GNB1: variants seen among roughly 807,000 people sequenced by gnomAD.
The protein encoded by GNB1 is guanine nucleotide-binding protein G(I)/G(S)/G(T) subunit beta-1.
Under a neutral mutation model 42.9 loss-of-function variants are expected in GNB1, and 2 were observed. The observed-to-expected ratio is 0.05, with a 90% CI of 0.02 to 0.15. GNB1 has a LOEUF of 0.15. Among genes scored for constraint, GNB1 ranks in the 10% least tolerant of loss-of-function variants. The pLI, the probability that GNB1 is intolerant of heterozygous loss-of-function variation, is 1.00. For synonymous variants in GNB1, 183 were observed against 174.7 expected (o/e 1.05, Z -0.38); for missense variants, 193 against 462.2 (o/e 0.42, Z 5.34).
At chr1:1,876,514 A>AGAGAGAGC (rs1491127351) in intron 1 of GNB1, among the ~76,000 whole-genome samples, 2 of 149,864 alleles carry the variant, frequency 1.3e-5, no homozygotes, top group South Asian at 2.1e-4. Context: ...AGAGAGAGAG[A>AGAGAGAGC]GCGAGCGTGC....
chr1:1,889,792 C>T (rs947999583), intron 1 of GNB1, among the ~76,000 whole-genome samples: 4 of 152,082 alleles, frequency 2.6e-5, no homozygotes, highest in African/African-American at 9.7e-5. Context: ...ACTATCGATT[C>T]ACAAGAAAAA....
intron 7 of GNB1, among the ~76,000 whole-genome samples, chr1:1,800,954 C>A (rs1299580040): frequency 6.6e-6 from 1 of 152,198 alleles, no homozygotes; most frequent in Non-Finnish European, 1.5e-5. Flanking sequence ...AAAGGACGCC[C>A]GCAGAAGGCG....
At chr1:1,825,375 C>G (rs1646982770) in intron 3 of GNB1, 22 bp downstream of exon 3, 3 of 1,573,202 alleles carry the variant, frequency 1.9e-6, no homozygotes, top group Non-Finnish European at 2.6e-6. Context: ...ATTAATAAAA[C>G]CAAGCACACA....
chr1:1,811,831 C>T (rs910082866), intron 5 of GNB1, among the ~76,000 whole-genome samples: 3 of 151,830 alleles, frequency 2.0e-5, no homozygotes, highest in Admixed American at 6.6e-5. Flanking sequence ...TTTGGGAGGC[C>T]GAGGTGGGCA....
intron 7 of GNB1, among the ~76,000 whole-genome samples, chr1:1,803,363 C>A (rs1646651522): frequency 6.6e-6 from 1 of 152,240 alleles, no homozygotes; most frequent in Non-Finnish European, 1.5e-5. Context: ...GTGGTGCAAT[C>A]ATAGCTCCCT....
rs35226472 is a variant in GNB1, at chr1:1,876,492, C to CGAGAGAGAGAGAGAGAGA, written c.-96+14310_-96+14327dup. ...AAGAGAGAGGACATGCATGTGCACA[C>CGAGAGAGAGAGAGAGAGA]GAGAGAGAGAGAGAGAGAGAGAGCG... On this transcript the variant is annotated intron_variant, in intron 1 of 11. Coordinates refer to ENST00000378609, the MANE Select transcript of GNB1 (RefSeq NM_002074.5). Among the ~76,000 whole-genome samples the CGAGAGAGAGAGAGAGAGA allele has an allele frequency of 1.0e-2, 1,476 of 147,844 alleles. 24 individuals carry two copies. The highest frequency in any genetic ancestry group is 0.035 in the African/African-American group (1,377 of 39,898).
chr1:1,806,411 T>C, intron 6 of GNB1, 64 bp downstream of exon 6: 1 of 968,476 alleles, frequency 1.0e-6, no homozygotes, highest in South Asian at 1.4e-5. Context: ...ACAAAATGAA[T>C]CCAGAGCTTA....
intron 1 of GNB1, among the ~76,000 whole-genome samples, chr1:1,864,007 C>A (rs1648776068): frequency 6.6e-6 from 1 of 152,026 alleles, no homozygotes; most frequent in Non-Finnish European, 1.5e-5. Context: ...TGGACCCTGT[C>A]TCTACAAAAC....
chr1:1,836,582 G>A (rs965611994), intron 2 of GNB1, among the ~76,000 whole-genome samples: 5 of 151,582 alleles, frequency 3.3e-5, no homozygotes, highest in African/African-American at 4.8e-5. Context: ...AGACAGTCTC[G>A]CTTTATCACC....
intron 7 of GNB1, among the ~76,000 whole-genome samples, chr1:1,799,625 T>C (rs1646597680): frequency 6.6e-6 from 1 of 152,160 alleles, no homozygotes; most frequent in Non-Finnish European, 1.5e-5. Context: ...CAGAAACAAC[T>C]ATAAGCACTG....
At chr1:1,862,126 G>A (rs1479826705) in intron 1 of GNB1, among the ~76,000 whole-genome samples, 1 of 152,172 alleles carries the variant, frequency 6.6e-6, no homozygotes, top group African/African-American at 2.4e-5. Context: ...GGAGGCTAAG[G>A]CAGGACAATC....
At chr1:1,833,382 G>A (rs1308673308) in intron 2 of GNB1, among the ~76,000 whole-genome samples, 1 of 152,032 alleles carries the variant, frequency 6.6e-6, no homozygotes, top group East Asian at 1.9e-4. Context: ...AATTCAAAGG[G>A]CAACGGAAAA....
intron 1 of GNB1, among the ~76,000 whole-genome samples, chr1:1,851,597 C>G (rs1314850695): frequency 2.0e-5 from 3 of 151,616 alleles, no homozygotes; most frequent in Non-Finnish European, 4.4e-5. Context: ...AAAATATTGG[C>G]CAAAGAGGAA....
At chr1:1,797,213 T>C (rs1030925148) in intron 7 of GNB1, among the ~76,000 whole-genome samples, 2 of 152,118 alleles carry the variant, frequency 1.3e-5, no homozygotes, top group Non-Finnish European at 1.5e-5. Flanking sequence ...ATGTTTATAA[T>C]AAATTGTGGG....
At chr1:1,881,873 G>A (rs1649868154) in intron 1 of GNB1, among the ~76,000 whole-genome samples, 1 of 152,138 alleles carries the variant, frequency 6.6e-6, no homozygotes, top group Admixed American at 6.6e-5. Flanking sequence ...CAGTGAAGGA[G>A]ACCAGTTGGT....
intron 2 of GNB1, among the ~76,000 whole-genome samples, chr1:1,835,897 C>T (rs891537182): frequency 6.9e-6 from 1 of 145,450 alleles, no homozygotes; most frequent in Non-Finnish European, 1.5e-5. Context: ...CATACTGAGA[C>T]CCCGTCTTAC....
At chr1:1,819,307 C>A (rs1419927059) in intron 3 of GNB1, among the ~76,000 whole-genome samples, 1 of 151,768 alleles carries the variant, frequency 6.6e-6, no homozygotes, top group Non-Finnish European at 1.5e-5. Flanking sequence ...CCGCAGCCTC[C>A]GCCTCCCAGG....
In GNB1 at chr1:1,845,567, C is replaced by T. The variant is rs543349201; in HGVS notation, c.-95-6329G>A. On this transcript the variant is annotated intron_variant, in intron 1 of 11. Coordinates refer to ENST00000378609, the MANE Select transcript of GNB1 (RefSeq NM_002074.5). ...CAGCCTGGGTGACAGTGCGAGACTC[C>T]GTCTCAAAAAAAATAATAATAAAAT... Among the ~76,000 whole-genome samples, 734 of 151,170 alleles carry T rather than the reference C, an allele frequency of 4.9e-3. 3 individuals are homozygous for T. The highest frequency in any genetic ancestry group is 6.2e-3 in the Non-Finnish European group (420 of 67,844).
intron 1 of GNB1, among the ~76,000 whole-genome samples, chr1:1,845,660 G>A (rs988851991): frequency 3.3e-5 from 5 of 152,032 alleles, no homozygotes; most frequent in South Asian, 2.1e-4. Context: ...CGAAATAAGC[G>A]AAGATATGGT....
Sources: gnomAD v4.1 joint callset for allele counts (sites outside exome capture counted in the v4.1 genomes callset) on GRCh38, gnomAD v4.1.1 for gene constraint, MANE v1.5 for transcripts, NCBI Gene and HGNC (gene_info 2026-07-23, HGNC 2026-07-21) for gene names.